Variants in EXTL3 observed in about 807,000 individuals in gnomAD.
EXTL3 encodes the protein exostosin like glycosyltransferase 3.
In EXTL3, 27 loss-of-function variants were observed where a neutral mutation model predicts 69.3. The ratio of observed to expected loss-of-function variants is 0.39; its 90% CI spans 0.29 to 0.54. The LOEUF (loss-of-function observed/expected upper bound fraction) is 0.54, where lower values mean the gene tolerates loss of function less well. Ranked by LOEUF, EXTL3 falls within the 20% of genes least tolerant of loss-of-function variation. The probability of loss-of-function intolerance (pLI) is 0.69; values close to 1 mark genes in which losing one functional copy is unlikely to be tolerated. For missense variants in EXTL3, 1,003 were observed against 1,231.8 expected (o/e 0.81, Z 2.78); for synonymous variants, 511 against 499.4 (o/e 1.02, Z -0.31).
At chr8:28,698,941 C>T (rs967656094), upstream of EXTL3, among the ~76,000 whole-genome samples, 17 of 152,114 alleles carry the variant, frequency 1.1e-4, no homozygotes, top group African/African-American at 3.9e-4. Context: ...TGCAGAGAGT[C>T]GAGATCATGC....
At chr8:28,711,189 T>G (rs753453944) in intron 1 of EXTL3, among the ~76,000 whole-genome samples, 1 of 152,244 alleles carries the variant, frequency 6.6e-6, no homozygotes, top group Non-Finnish European at 1.5e-5. Context: ...AGCCCCTGTT[T>G]CATTCCTGCT....
chr8:28,644,004 G>A (rs909536251), intron 1 of EXTL3, among the ~76,000 whole-genome samples: 9 of 152,066 alleles, frequency 5.9e-5, no homozygotes, highest in African/African-American at 1.9e-4. Context: ...GGATAAAGTG[G>A]TCCTCTGCCT....
At chr8:28,636,189 G>A (rs1806651683) in intron 1 of EXTL3, among the ~76,000 whole-genome samples, 1 of 151,902 alleles carries the variant, frequency 6.6e-6, no homozygotes, top group Admixed American at 6.6e-5. Context: ...AAAATTAGCT[G>A]GGTGTGGTGG....
At chr8:28,643,927 A>G (rs1273556380) in intron 1 of EXTL3, among the ~76,000 whole-genome samples, 1 of 151,976 alleles carries the variant, frequency 6.6e-6, no homozygotes, top group Non-Finnish European at 1.5e-5. Context: ...CACCACGCCT[A>G]GCTAATTTTT....
rs67403576 is a variant in EXTL3, at chr8:28,625,997, CAAAAAAAAAAAAAAAA to C, written c.-53+3200_-53+3215del. Among the ~76,000 whole-genome samples the C allele has an allele frequency of 1.6e-3, 65 of 41,130 alleles. 1 individual carries two copies. The highest frequency in any genetic ancestry group is 0.015 in the South Asian group (9 of 608). The allele number at this position is 41,130 out of a possible 152,430, so 27.0% of individuals were successfully genotyped here. Reference sequence around the variant, plus strand: ...GCAATATAGTGAGACCACATTTCTCCAAAAAAAAAAAAAAAAAAAAAAAAAAAAGCCAGGTGAGGTG... The same window carrying C: ...GCAATATAGTGAGACCACATTTCTCCAAAAAAAAAAAAGCCAGGTGAGGTG... On this transcript the variant is annotated intron_variant, in intron 1 of 6. Transcript: ENST00000523149.
At chr8:28,655,569 C>A (rs1018419649) in intron 1 of EXTL3, among the ~76,000 whole-genome samples, 13 of 150,008 alleles carry the variant, frequency 8.7e-5, no homozygotes, top group African/African-American at 3.2e-4. Flanking sequence ...TAGCTCACTG[C>A]ATCTTTGACC....
intron 1 of EXTL3, among the ~76,000 whole-genome samples, chr8:28,669,280 C>T (rs1051070238): frequency 8.5e-5 from 13 of 152,090 alleles, no homozygotes; most frequent in African/African-American, 1.2e-4. Context: ...AACTTTATTC[C>T]GATGGTAGCA....
At position 28,691,080 on chromosome 8, in the gene EXTL3, C is replaced by A. The variant is rs190944682; in HGVS notation, c.-52-22377C>A. 2.6e-3 allele frequency among the ~76,000 whole-genome samples: 402 copies of A among 152,072 alleles called. 2 individuals carry two copies. The highest frequency in any genetic ancestry group is 4.0e-3 in the Admixed American group (61 of 15,278). On this transcript the variant is annotated intron_variant, in intron 1 of 6. Coordinates refer to the EXTL3 transcript ENST00000523149. ...TTACCAGACTTTTAGGTTTAATAGA[C>A]CAGTAAAATAAAAAATAACTGGGTA...
chr8:28,746,113 A>AT (rs1232575439), intron 6 of EXTL3, among the ~76,000 whole-genome samples: 4 of 152,126 alleles, frequency 2.6e-5, no homozygotes, highest in African/African-American at 4.8e-5. Flanking sequence ...AAAAATAGTA[A>AT]TTTTTTTGTT....
chr8:28,730,540 T>A (rs1282593396), intron 3 of EXTL3, among the ~76,000 whole-genome samples: 1 of 152,256 alleles, frequency 6.6e-6, no homozygotes, highest in Non-Finnish European at 1.5e-5. Flanking sequence ...GTTGTACTAT[T>A]TGAAGCACCA....
chr8:28,743,303 TCA>T, intron 6 of EXTL3, 89 bp downstream of exon 6: 1 of 1,410,412 alleles, frequency 7.1e-7, no homozygotes, highest in Admixed American at 1.7e-5. Context: ...GCACTGTACC[TCA>T]GAGTCCTCAT....
chr8:28,711,436 C>A (rs1480013228), intron 1 of EXTL3, among the ~76,000 whole-genome samples: 2 of 152,096 alleles, frequency 1.3e-5, no homozygotes, highest in Non-Finnish European at 2.9e-5. Context: ...TTCCTCTTAG[C>A]ACTGTTTTAG....
At chr8:28,721,907 T>C (rs2130750713) in intron 3 of EXTL3, among the ~76,000 whole-genome samples, 1 of 152,332 alleles carries the variant, frequency 6.6e-6, no homozygotes, top group South Asian at 2.1e-4. Context: ...CAGTGTAGTC[T>C]AGCTCACTCA....
chr8:28,640,084 A>C (rs114342485), intron 1 of EXTL3, among the ~76,000 whole-genome samples: 456 of 152,308 alleles, frequency 3.0e-3, no homozygotes, highest in African/African-American at 0.01. Flanking sequence ...TGAGCAACAC[A>C]GTAAGACTCT....
intron 2 of EXTL3, among the ~76,000 whole-genome samples, chr8:28,613,774 A>G (rs1182548793): frequency 6.6e-6 from 1 of 152,042 alleles, no homozygotes; most frequent in Non-Finnish European, 1.5e-5. Flanking sequence ...ATATTCTTTA[A>G]TGATCCTTTT....
intron 3 of EXTL3, among the ~76,000 whole-genome samples, chr8:28,726,644 G>A (rs1801418129): frequency 6.6e-6 from 1 of 152,026 alleles, no homozygotes; most frequent in Non-Finnish European, 1.5e-5. Context: ...AGCATCCCTG[G>A]CTTCTGCCCA....
chr8:28,713,688 A>C, intron 2 of EXTL3, 138 bp downstream of exon 2: 1 of 612,646 alleles, frequency 1.6e-6, no homozygotes, highest in Non-Finnish European at 2.9e-6. Flanking sequence ...AAACATTTGA[A>C]TCACAAGGAT....
chr8:28,707,069 A>C (rs944852844), intron 1 of EXTL3, among the ~76,000 whole-genome samples: 1 of 152,042 alleles, frequency 6.6e-6, no homozygotes. Context: ...ATCTGACTTT[A>C]TTTTTTTTCC....
chr8:28,715,803 C>G lies in EXTL3; in HGVS notation c.-257C>G. 2.0e-6 allele frequency: 1 copy of G among 493,480 alleles called. No individual in the cohort carries two copies. The highest frequency in any genetic ancestry group is 3.6e-6 in the Non-Finnish European group (1 of 278,500). The allele number at this position is 493,480 out of a possible 1,614,324, so 30.6% of individuals were successfully genotyped here. A position where few individuals can be genotyped will look rare whatever the true frequency, so the allele number is the denominator to read the frequency against. On this transcript the variant is annotated 5_prime_UTR_variant, in exon 3 of 7. Coordinates refer to ENST00000220562, the MANE Select transcript of EXTL3 (RefSeq NM_001440.4). ...TTTCATCTCAGCAAGAATGTGGCAC[C>G]TTTTATCGTTTGATAAAGATTAAGG...
Sources: gnomAD v4.1 joint callset for allele counts (sites outside exome capture counted in the v4.1 genomes callset) on GRCh38, gnomAD v4.1.1 for gene constraint, MANE v1.5 for transcripts, NCBI Gene and HGNC (gene_info 2026-07-23, HGNC 2026-07-21) for gene names.